EFHB: variants seen among roughly 807,000 people sequenced by gnomAD.
EFHB encodes EF-hand domain family member B.
Under a neutral mutation model 87.2 loss-of-function variants are expected in EFHB, and 91 were observed. That is an observed-to-expected ratio of 1.04 (90% CI 0.88 to 1.24). The LOEUF (loss-of-function observed/expected upper bound fraction) is 1.24. EFHB is among the 50% of genes most tolerant of loss of function. The pLI, the probability that EFHB is intolerant of heterozygous loss-of-function variation, is 0.00. For synonymous variants in EFHB, 325 were observed against 333.6 expected (o/e 0.97, Z 0.28); for missense variants, 1,084 against 998.8 (o/e 1.09, Z -1.15).
At chr3:19,935,791 C>T (rs1695998885), upstream of EFHB, among the ~76,000 whole-genome samples, 1 of 151,750 alleles carries the variant, frequency 6.6e-6, no homozygotes, top group African/African-American at 2.4e-5. Context: ...GCGGGTGGAT[C>T]ACGAGGTCAG....
At chr3:19,912,001 G>C (rs531891479) in intron 5 of EFHB, among the ~76,000 whole-genome samples, 2 of 151,968 alleles carry the variant, frequency 1.3e-5, no homozygotes, top group South Asian at 4.2e-4. Flanking sequence ...CCCTTAAGGA[G>C]AAAATAGAGA....
chr3:19,896,985 A>T, intron 8 of EFHB, 144 bp from the exon 9 acceptor site: 1 of 700,202 alleles, frequency 1.4e-6, no homozygotes. Flanking sequence ...ATGTCAGAAA[A>T]TCCTTATGTA....
intron 1 of EFHB, among the ~76,000 whole-genome samples, chr3:19,925,025 C>T (rs919174972): frequency 1.3e-5 from 2 of 151,866 alleles, no homozygotes; most frequent in Non-Finnish European, 2.9e-5. Flanking sequence ...GTGGGCGGAT[C>T]ACGAGGTCAG....
At chr3:19,929,328 C>T (rs1695745098) in intron 1 of EFHB, among the ~76,000 whole-genome samples, 1 of 151,874 alleles carries the variant, frequency 6.6e-6, no homozygotes, top group African/African-American at 2.4e-5. Context: ...CATGAGCCAC[C>T]ATGCCTGGCT....
chr3:19,945,029 G>A (rs1007260089), intron 1 of EFHB, among the ~76,000 whole-genome samples: 2 of 152,202 alleles, frequency 1.3e-5, no homozygotes, highest in Non-Finnish European at 2.9e-5. Context: ...TGAAATTACA[G>A]AAAAAATAAT....
In EFHB at chr3:19,882,973, T is replaced by C. The variant is rs1559442335; in HGVS notation, c.2147-242A>G. Among the ~76,000 whole-genome samples, 4 of 152,092 alleles carry C rather than the reference T, an allele frequency of 2.6e-5. No homozygotes were observed. The South Asian group carries it at 6.2e-4, about 24-fold the overall frequency. On this transcript the variant is annotated intron_variant, in intron 11 of 12. Transcript: ENST00000295824. ...ATCGTATTAAAATTAATTTCACCTG[T>C]TTCTTTTTTTAACATGACTTTTTTT... is the stretch of plus-strand genomic sequence containing the variant.
At chr3:19,880,274 G>C (rs1452051979) in intron 12 of EFHB, among the ~76,000 whole-genome samples, 1 of 113,626 alleles carries the variant, frequency 8.8e-6, no homozygotes, top group Non-Finnish European at 1.9e-5. Flanking sequence ...TTTTGAGACA[G>C]AGTCTCACTC....
chr3:19,886,460 T>C (rs1694103280), intron 10 of EFHB, among the ~76,000 whole-genome samples: 1 of 151,978 alleles, frequency 6.6e-6, no homozygotes, highest in Non-Finnish European at 1.5e-5. Flanking sequence ...AAAATTAAGG[T>C]AGGCTGGATG....
At chr3:19,908,846 A>C (rs1694959217) in intron 5 of EFHB, among the ~76,000 whole-genome samples, 1 of 152,112 alleles carries the variant, frequency 6.6e-6, no homozygotes, top group Non-Finnish European at 1.5e-5. Context: ...TAAGTAAAAA[A>C]TTTAAAATAT....
At chr3:19,930,348 T>C (rs1695787352) in intron 1 of EFHB, among the ~76,000 whole-genome samples, 1 of 152,200 alleles carries the variant, frequency 6.6e-6, no homozygotes, top group Non-Finnish European at 1.5e-5. Context: ...TCCACTCATC[T>C]AGAATCTGGT....
intron 1 of EFHB, among the ~76,000 whole-genome samples, chr3:19,932,406 C>T (rs1444641407): frequency 6.6e-6 from 1 of 152,138 alleles, no homozygotes; most frequent in Non-Finnish European, 1.5e-5. Flanking sequence ...TAGATGTCTT[C>T]TACATATTTC....
intron 6 of EFHB, among the ~76,000 whole-genome samples, chr3:19,901,129 G>A (rs2125132077): frequency 6.6e-6 from 1 of 152,162 alleles, no homozygotes; most frequent in East Asian, 1.9e-4. Flanking sequence ...TGGAAAACAG[G>A]ATATAAAATG....
chr3:19,942,324 T>C (rs1178235044), intron 1 of EFHB: 1 of 153,448 alleles, frequency 6.5e-6, no homozygotes, highest in Non-Finnish European at 1.5e-5. Flanking sequence ...TTTGGTAGCT[T>C]TGATGCTGAG....
intron 1 of EFHB, among the ~76,000 whole-genome samples, chr3:19,925,176 A>T (rs899240498): frequency 3.3e-5 from 5 of 149,850 alleles, no homozygotes; most frequent in African/African-American, 4.9e-5. Flanking sequence ...AGGGAGACGG[A>T]GCTTGCAGTG....
intron 5 of EFHB, among the ~76,000 whole-genome samples, chr3:19,911,543 G>A (rs560885867): frequency 6.6e-6 from 1 of 152,006 alleles, no homozygotes; most frequent in Non-Finnish European, 1.5e-5. Flanking sequence ...GAGCAACAGA[G>A]TGAGACTCCA....
At chr3:19,915,514 G>T in intron 4 of EFHB, 101 bp from the exon 5 acceptor site, 1 of 708,726 alleles carries the variant, frequency 1.4e-6, no homozygotes, top group Non-Finnish European at 2.3e-6. Flanking sequence ...TATGCTGGAT[G>T]CAAGGCTACA....
intron 11 of EFHB, among the ~76,000 whole-genome samples, chr3:19,883,597 C>T (rs1405167857): frequency 6.6e-6 from 1 of 152,070 alleles, no homozygotes; most frequent in Non-Finnish European, 1.5e-5. Context: ...TGGTGAAGTC[C>T]TAACCTCCAC....
In EFHB at chr3:19,903,946, G is replaced by A. The variant is rs1694754956; in HGVS notation, c.1418+1674C>T. Among the ~76,000 whole-genome samples the A allele has an allele frequency of 1.3e-5, 2 of 152,196 alleles. 1 individual carries two copies. The highest frequency in any genetic ancestry group is 4.1e-4 in the South Asian group (2 of 4,832). ...CACCTGTAAAATGGGAAGAATAAAA[G>A]TTATAATACACCTATCCTGTGGAGT... On this transcript the variant is annotated intron_variant, in intron 6 of 12. Transcript: ENST00000295824.
At chr3:19,938,367 G>T (rs1304100359), upstream of EFHB, among the ~76,000 whole-genome samples, 1 of 152,136 alleles carries the variant, frequency 6.6e-6, no homozygotes, top group Non-Finnish European at 1.5e-5. Flanking sequence ...TTCACATATT[G>T]AACTCTAGTA....
Sources: allele counts gnomAD v4.1 joint callset (sites outside exome capture counted in the v4.1 genomes callset), GRCh38; gene constraint gnomAD v4.1.1; transcripts MANE v1.5; gene names NCBI Gene and HGNC (gene_info 2026-07-23, HGNC 2026-07-21).